The following SERPINI1 variants were observed in gnomAD, a reference collection of about 807,000 sequenced individuals.
SERPINI1 encodes serpin family I member 1.
Under a neutral mutation model 41.1 loss-of-function variants are expected in SERPINI1, and 19 were observed. That is an observed-to-expected ratio of 0.46 (90% confidence interval 0.32 to 0.68). The LOEUF (loss-of-function observed/expected upper bound fraction) is 0.68. SERPINI1 is among the 30% of genes least tolerant of loss of function. SERPINI1 has a pLI of 0.03. For synonymous variants in SERPINI1, 138 were observed against 156.6 expected (o/e 0.88, Z 0.89); for missense variants, 460 against 479.2 (o/e 0.96, Z 0.37).
intron 1 of SERPINI1, among the ~76,000 whole-genome samples, chr3:167,745,763 T>C (rs1185481813): frequency 6.6e-6 from 1 of 152,064 alleles, no homozygotes; most frequent in Non-Finnish European, 1.5e-5. Flanking sequence ...TTTTATACAC[T>C]AACAGTGAAT....
chr3:167,777,784 T>C (rs1727005778), intron 1 of SERPINI1, among the ~76,000 whole-genome samples: 1 of 152,258 alleles, frequency 6.6e-6, no homozygotes, highest in South Asian at 2.1e-4. Flanking sequence ...ACAGTTTGAA[T>C]GTGCCCTCCA....
intron 1 of SERPINI1, among the ~76,000 whole-genome samples, chr3:167,767,349 C>G (rs1231698815): frequency 6.6e-6 from 1 of 152,114 alleles, no homozygotes; most frequent in African/African-American, 2.4e-5. Flanking sequence ...AGGTTCCTTT[C>G]AAAATATTAC....
At chr3:167,765,533 G>C (rs1253195101) in intron 1 of SERPINI1, among the ~76,000 whole-genome samples, 1 of 152,220 alleles carries the variant, frequency 6.6e-6, no homozygotes, top group African/African-American at 2.4e-5. Context: ...CTAGGCCTCT[G>C]GGCCTGTAAT....
intron 5 of SERPINI1, among the ~76,000 whole-genome samples, chr3:167,799,075 G>A (rs1243139476): frequency 2.0e-5 from 3 of 151,888 alleles, no homozygotes; most frequent in Admixed American, 1.3e-4. Flanking sequence ...CAAGTTCTGG[G>A]ATACATGTGC....
At chr3:167,776,326 G>A (rs1726968210) in intron 1 of SERPINI1, among the ~76,000 whole-genome samples, 1 of 152,184 alleles carries the variant, frequency 6.6e-6, no homozygotes, top group South Asian at 2.1e-4. Context: ...ATGCCAAAGA[G>A]AATTATTCAT....
intron 2 of SERPINI1, 48 bp from the exon 3 acceptor site, chr3:167,790,324 T>C: frequency 7.2e-7 from 1 of 1,382,348 alleles, no homozygotes; most frequent in South Asian, 1.2e-5. Flanking sequence ...TCCTTGACAT[T>C]TCACCGTGTT....
intron 1 of SERPINI1, among the ~76,000 whole-genome samples, chr3:167,774,033 A>C (rs1290935652): frequency 6.7e-6 from 1 of 150,074 alleles, no homozygotes; most frequent in East Asian, 1.9e-4. Flanking sequence ...CATTTCTACC[A>C]CAAGTTTTTT....
At chr3:167,822,750 A>G (rs1560019874) in intron 6 of SERPINI1, among the ~76,000 whole-genome samples, 1 of 152,084 alleles carries the variant, frequency 6.6e-6, no homozygotes, top group African/African-American at 2.4e-5. Flanking sequence ...TAAGACATAC[A>G]TATGGGAAAA....
At chr3:167,801,640 T>C (rs966511117) in intron 5 of SERPINI1, among the ~76,000 whole-genome samples, 1 of 152,120 alleles carries the variant, frequency 6.6e-6, no homozygotes, top group African/African-American at 2.4e-5. Flanking sequence ...TTCGAGAGCA[T>C]CATGGAAATC....
rs541487044 is a variant in SERPINI1, at chr3:167,794,441, T to C, written c.677-179T>C. On this transcript the variant is annotated intron_variant, in intron 4 of 8. Transcript: ENST00000446050. ...TTTTTTTTAGATTTTATTTCAATAC[T>C]TTTGGGGAACAAGTGTTTTTGGTTA... is the stretch of plus-strand genomic sequence containing the variant. Among the ~76,000 whole-genome samples the C allele has an allele frequency of 2.9e-3, 448 of 152,272 alleles. 3 individuals are homozygous for C. The highest frequency in any genetic ancestry group is 0.01 in the African/African-American group (435 of 41,564).
At chr3:167,803,350 AG>A (rs552864401) in intron 5 of SERPINI1, among the ~76,000 whole-genome samples, 314 of 152,172 alleles carry the variant, frequency 2.1e-3, no homozygotes, top group Non-Finnish European at 4.0e-3. Flanking sequence ...TTAAGGTGGC[AG>A]GGATTAATAT....
intron 1 of SERPINI1, among the ~76,000 whole-genome samples, chr3:167,778,507 TG>T (rs1321748729): frequency 6.6e-6 from 1 of 152,146 alleles, no homozygotes; most frequent in Non-Finnish European, 1.5e-5. Context: ...AGTGTCTGTG[TG>T]GGGATCACAG....
At chr3:167,757,434 G>T (rs1291156158) in intron 1 of SERPINI1, among the ~76,000 whole-genome samples, 1 of 152,064 alleles carries the variant, frequency 6.6e-6, no homozygotes, top group Non-Finnish European at 1.5e-5. Context: ...AAATCATAAT[G>T]AACGTTAATG....
intron 6 of SERPINI1, among the ~76,000 whole-genome samples, chr3:167,812,882 GC>G (rs1711941247): frequency 6.6e-6 from 1 of 152,106 alleles, no homozygotes; most frequent in Non-Finnish European, 1.5e-5. Context: ...TCATCTACTT[GC>G]AGCGAGGATC....
At chr3:167,807,968 A>T (rs938211884) in intron 6 of SERPINI1, among the ~76,000 whole-genome samples, 1 of 151,904 alleles carries the variant, frequency 6.6e-6, no homozygotes, top group South Asian at 2.1e-4. Context: ...AATACAAAAA[A>T]TTAGCCACAC....
rs1428423741 is a variant in SERPINI1 at position 167,814,705 on chromosome 3, AT to A, written c.979+7367del. 3.3e-5 allele frequency among the ~76,000 whole-genome samples: 5 copies of A among 152,118 alleles called. No homozygotes were observed. The East Asian group carries it at 9.7e-4, about 29-fold the overall frequency. The stretch of plus-strand genomic sequence containing the variant: ...CATATGTAGTGGGTACTGAAGAAAT[AT>A]TTACTAAGTGACTGAATGAATGCCT... On this transcript the variant is annotated intron_variant, in intron 6 of 8. Transcript: ENST00000446050.
At position 167,794,613 on chromosome 3, in the gene SERPINI1, T is replaced by C. The variant is rs1267952779; in HGVS notation, c.677-7T>C. ...GGCATCTTTTATGGCCTTTATTTTC[T>C]TTTTAGGGGAATTTAGTGATGGCTC... On this transcript the variant is annotated splice_polypyrimidine_tract_variant and splice_region_variant and intron_variant, in intron 4 of 8. Coordinates refer to ENST00000446050, the MANE Select transcript of SERPINI1 (RefSeq NM_001122752.2). The C allele has an allele frequency of 6.2e-7, 1 of 1,612,806 alleles. No individual in the cohort carries two copies. Among genetic ancestry groups the C allele is most frequent in the South Asian group, 1.1e-5 (1 of 91,022 alleles).
chr3:167,757,952 G>T (rs1351540095), intron 1 of SERPINI1, among the ~76,000 whole-genome samples: 2 of 152,078 alleles, frequency 1.3e-5, no homozygotes, highest in Non-Finnish European at 2.9e-5. Context: ...GTTCCTAAAT[G>T]TTCTTCTTGA....
intron 6 of SERPINI1, among the ~76,000 whole-genome samples, chr3:167,820,351 C>T (rs1022717719): frequency 6.6e-6 from 1 of 152,180 alleles, no homozygotes; most frequent in African/African-American, 2.4e-5. Context: ...GTTGGAGAGG[C>T]GGGAGCCCAG....
Sources: allele counts gnomAD v4.1 joint callset (sites outside exome capture counted in the v4.1 genomes callset), GRCh38; gene constraint gnomAD v4.1.1; transcripts MANE v1.5; gene names NCBI Gene and HGNC (gene_info 2026-07-23, HGNC 2026-07-21).